TMC1: variants seen among roughly 807,000 people sequenced by gnomAD.
TMC1 encodes the protein transmembrane channel-like protein 1.
TMC1 carries 84 observed loss-of-function variants against 105.8 expected under a neutral mutation model. The observed-to-expected ratio is 0.79, with a 90% CI of 0.67 to 0.95. The LOEUF (loss-of-function observed/expected upper bound fraction) is 0.95. Among genes scored for constraint, TMC1 ranks in the 40% least tolerant of loss-of-function variants. The pLI is 0.00. For synonymous variants in TMC1, 315 were observed against 311.5 expected (o/e 1.01, Z -0.12); for missense variants, 817 against 914.1 (o/e 0.89, Z 1.37).
At chr9:72,821,434 G>A (rs954200645) in intron 20 of TMC1, among the ~76,000 whole-genome samples, 2 of 151,770 alleles carry the variant, frequency 1.3e-5, no homozygotes, top group African/African-American at 2.4e-5. Context: ...CTCAGGAGGC[G>A]GAGGTTGCAG....
At chr9:72,534,775 GT>G (rs1360006032) in intron 1 of TMC1, among the ~76,000 whole-genome samples, 1 of 152,052 alleles carries the variant, frequency 6.6e-6, no homozygotes, top group Admixed American at 6.6e-5. Flanking sequence ...ATGCATTTAG[GT>G]TTTCATTCTA....
At chr9:72,744,963 C>T (rs2118033580) in intron 10 of TMC1, among the ~76,000 whole-genome samples, 1 of 152,222 alleles carries the variant, frequency 6.6e-6, no homozygotes, top group Non-Finnish European at 1.5e-5. Flanking sequence ...CTTCAGTTAT[C>T]TCCTCTCTTC....
At chr9:72,705,698 C>G (rs1826726142) in intron 8 of TMC1, among the ~76,000 whole-genome samples, 1 of 152,188 alleles carries the variant, frequency 6.6e-6, no homozygotes, top group South Asian at 2.1e-4. Context: ...AGGGACAGTT[C>G]TAACATTTCA....
chr9:72,674,649 A>ATTT (rs1289366595), intron 5 of TMC1, among the ~76,000 whole-genome samples: 3 of 152,216 alleles, frequency 2.0e-5, no homozygotes, highest in Non-Finnish European at 4.4e-5. Context: ...AAGCCCAGGA[A>ATTT]TCTGTGTTTT....
chr9:72,722,710 A>G (rs1827048677), intron 8 of TMC1, among the ~76,000 whole-genome samples: 1 of 152,122 alleles, frequency 6.6e-6, no homozygotes, highest in African/African-American at 2.4e-5. Context: ...TTGGACATTC[A>G]TTTCCAAAGC....
Position 72,753,551 on chromosome 9 carries a change from A to G in TMC1, c.643-1235A>G, listed in dbSNP as rs554231048. ...CTACGTGTTAGGTTGGATGTATTCC[A>G]AGAGCTAGGAAGCATTCTGTCTTTG... On this transcript the variant is annotated intron_variant, in intron 11 of 23. Transcript: ENST00000297784. Among the ~76,000 whole-genome samples the G allele has an allele frequency of 5.0e-4, 76 of 152,254 alleles. 1 individual carries two copies. The highest frequency in any genetic ancestry group is 8.4e-4 in the Non-Finnish European group (57 of 68,008).
chr9:72,648,657 CA>C lies in TMC1; in HGVS notation c.15del (p.Val6TyrfsTer33). 3.1e-6 allele frequency: 5 copies of C among 1,612,686 alleles called. No individual in the cohort carries two copies. Among genetic ancestry groups the C allele is most frequent in the Admixed American group, 1.7e-5 (1 of 59,960 alleles). ...GACAGGACACCCCCAGGATGTCACC[CA>C]AAAAAGGTATTTACAAAATCAAGAC... MSP[K>X]KVQIKVEEKE... On this transcript the variant is annotated frameshift_variant, in exon 5 of 24. Transcript: ENST00000297784. LOFTEE classifies it high-confidence loss of function.
Position 72,534,654 on chromosome 9 carries a change from G to T in TMC1, c.-428+12741G>T, listed in dbSNP as rs146832105. Among the ~76,000 whole-genome samples the T allele has an allele frequency of 8.5e-4, 129 of 152,212 alleles. 2 individuals carry two copies. The East Asian group carries it at 0.014, about 16-fold the overall frequency. ...TCATTAGAAAAACGTTAATGAAAAG[G>T]TTAATGGAATTCTATATATTTAGTT... On this transcript the variant is annotated intron_variant, in intron 1 of 23. Transcript: ENST00000297784.
intron 6 of TMC1, among the ~76,000 whole-genome samples, chr9:72,690,642 T>C (rs2132185888): frequency 6.6e-6 from 1 of 152,280 alleles, no homozygotes; most frequent in East Asian, 1.9e-4. Context: ...ACTTTTAAAA[T>C]ATCATCCTAC....
At chr9:72,617,516 C>T (rs1296280692) in intron 3 of TMC1, among the ~76,000 whole-genome samples, 8 of 152,064 alleles carry the variant, frequency 5.3e-5, no homozygotes, top group Admixed American at 2.0e-4. Flanking sequence ...TGATGGCAGC[C>T]GCAAGTTGTA....
At position 72,799,064 on chromosome 9, in the gene TMC1, T is replaced by C. The variant is rs181324868; in HGVS notation, c.1567-6318T>C. 2.6e-5 allele frequency among the ~76,000 whole-genome samples: 4 copies of C among 152,078 alleles called. No homozygotes were observed. The East Asian group carries it at 7.7e-4, about 29-fold the overall frequency. On this transcript the variant is annotated intron_variant, in intron 17 of 23. Coordinates refer to ENST00000297784, the MANE Select transcript of TMC1 (RefSeq NM_138691.3). ...ATCCCTTAAGGGAAACCAAGACAAA[T>C]AAAACCAAACAAAACCCAAGAAAAA...
At chr9:72,573,449 A>G (rs1268035909) in intron 1 of TMC1, among the ~76,000 whole-genome samples, 2 of 152,230 alleles carry the variant, frequency 1.3e-5, no homozygotes, top group Non-Finnish European at 2.9e-5. Flanking sequence ...ACATGATGAC[A>G]TTAGCATGCT....
At chr9:72,783,055 T>TA (rs1828117676) in intron 13 of TMC1, among the ~76,000 whole-genome samples, 1 of 152,084 alleles carries the variant, frequency 6.6e-6, no homozygotes, top group Non-Finnish European at 1.5e-5. Flanking sequence ...CAGACTATGC[T>TA]ACAAGGCTAC....
At chr9:72,705,158 C>T (rs1201631234) in intron 8 of TMC1, among the ~76,000 whole-genome samples, 1 of 151,966 alleles carries the variant, frequency 6.6e-6, no homozygotes, top group African/African-American at 2.4e-5. Context: ...TGATAGCAGC[C>T]ACCACAAGTG....
chr9:72,554,083 T>G (rs565369389), intron 1 of TMC1, among the ~76,000 whole-genome samples: 1 of 152,320 alleles, frequency 6.6e-6, no homozygotes, highest in African/African-American at 2.4e-5. Flanking sequence ...CTTGACTTCA[T>G]ATTCTTCAAA....
At chr9:72,752,245 A>T (rs1444352536) in intron 11 of TMC1, among the ~76,000 whole-genome samples, 1 of 152,150 alleles carries the variant, frequency 6.6e-6, no homozygotes, top group Non-Finnish European at 1.5e-5. Context: ...CAGTTTCCCA[A>T]GGGGGTCCCT....
At chr9:72,688,353 A>G (rs533378334) in intron 5 of TMC1, among the ~76,000 whole-genome samples, 1 of 152,222 alleles carries the variant, frequency 6.6e-6, no homozygotes, top group South Asian at 2.1e-4. Flanking sequence ...TAACAATTCA[A>G]TTTCTCATGA....
At chr9:72,688,849 T>A in intron 6 of TMC1, 93 bp downstream of exon 6, 1 of 1,057,172 alleles carries the variant, frequency 9.5e-7, no homozygotes, top group Non-Finnish European at 1.4e-6. Flanking sequence ...CTACCATATG[T>A]AAGCAGAAGT....
At position 72,740,122 on chromosome 9, in the gene TMC1, G is replaced by A. The variant is rs759933822; in HGVS notation, c.366G>A (p.Glu122=). The change falls in exon 9 of 24, where the codon GAG becomes GAA. Residue 122 remains glutamate (E), a synonymous_variant. Transcript: ENST00000297784. ...KMEKKIEVLK[E]AKKFVSENEG... ...TATGTTATTTTTATTTTCTCAGGGA[G>A]GCAAAAAAATTTGTGAGTGAAAATG... is the stretch of plus-strand genomic sequence containing the variant. 6.2e-7 allele frequency: 1 copy of A among 1,613,246 alleles called. No individual in the cohort carries two copies. The highest frequency in any genetic ancestry group is 8.5e-7 in the Non-Finnish European group (1 of 1,179,484).
Sources: allele counts gnomAD v4.1 joint callset (sites outside exome capture counted in the v4.1 genomes callset), GRCh38; gene constraint gnomAD v4.1.1; transcripts MANE v1.5; gene names NCBI Gene and HGNC (gene_info 2026-07-23, HGNC 2026-07-21).